The following PPA1 variants were observed in gnomAD, a reference collection of about 807,000 sequenced individuals.
PPA1 encodes the protein inorganic pyrophosphatase.
Under a neutral mutation model 41.8 loss-of-function variants are expected in PPA1, and 23 were observed. The ratio of observed to expected loss-of-function variants is 0.55; its 90% CI spans 0.40 to 0.78. The LOEUF is 0.78. PPA1 is among the 30% of genes least tolerant of loss of function. The pLI is 0.00. For synonymous variants in PPA1, 101 were observed against 116.8 expected (o/e 0.86, Z 0.87); for missense variants, 320 against 361.6 (o/e 0.89, Z 0.93).
intron 2 of PPA1, among the ~76,000 whole-genome samples, chr10:70,220,011 T>A (rs1001461616): frequency 2.0e-5 from 3 of 152,218 alleles, no homozygotes; most frequent in African/African-American, 7.2e-5. Context: ...CACTGCAACC[T>A]CTGCCTCCTG....
chr10:70,211,428 T>C (rs960785746), intron 6 of PPA1, among the ~76,000 whole-genome samples: 9 of 152,166 alleles, frequency 5.9e-5, no homozygotes, highest in African/African-American at 1.4e-4. Context: ...TCCTGTACTT[T>C]TGACTATCAG....
intron 2 of PPA1, among the ~76,000 whole-genome samples, chr10:70,219,512 C>T (rs1329025575): frequency 2.0e-5 from 3 of 152,170 alleles, no homozygotes; most frequent in Non-Finnish European, 4.4e-5. Flanking sequence ...AGCCTAATTA[C>T]TTGGTCATAC....
At chr10:70,229,928 G>A (rs1358091041) in intron 2 of PPA1, among the ~76,000 whole-genome samples, 1 of 146,376 alleles carries the variant, frequency 6.8e-6, no homozygotes, top group Non-Finnish European at 1.5e-5. Context: ...CTTTTTTTTT[G>A]AGACAGGGTC....
At chr10:70,229,767 T>C (rs1206711422) in intron 2 of PPA1, among the ~76,000 whole-genome samples, 1 of 152,142 alleles carries the variant, frequency 6.6e-6, no homozygotes, top group East Asian at 1.9e-4. Flanking sequence ...CAAATACACA[T>C]ACAAAAAGGA....
intron 6 of PPA1, among the ~76,000 whole-genome samples, chr10:70,211,441 A>G (rs993081390): frequency 2.0e-5 from 3 of 152,186 alleles, no homozygotes; most frequent in Non-Finnish European, 4.4e-5. Flanking sequence ...ACTATCAGCT[A>G]TAAATTAGGG....
chr10:70,217,915 G>A lies in PPA1; in HGVS notation c.194C>T (p.Pro65Leu), dbSNP rs11538285. Residue 65 changes from proline to leucine, a missense_variant, in exon 4 of 11, where the codon CCT becomes CTT. Coordinates refer to ENST00000373232, the MANE Select transcript of PPA1 (RefSeq NM_021129.4). ...NAKMEIATKDPLNPIKQDVKK... is the reference protein window; with the variant it reads ...NAKMEIATKDLLNPIKQDVKK... ...CACATCTTGTTTAATAGGGTTTAAA[G>A]GGTCCTTTGTAGCAATCTGAAATAA... is the stretch of plus-strand genomic sequence containing the variant. 6.3e-7 allele frequency: 1 copy of A among 1,585,618 alleles called. No homozygotes were observed. The highest frequency in any genetic ancestry group is 8.6e-7 in the Non-Finnish European group (1 of 1,164,340).
chr10:70,214,406 C>T, intron 5 of PPA1, 94 bp downstream of exon 5: 1 of 948,786 alleles, frequency 1.1e-6, no homozygotes, highest in Non-Finnish European at 1.6e-6. Flanking sequence ...CACTAATATT[C>T]ATGCATTTTA....
chr10:70,210,112 C>T (rs1048573342), intron 6 of PPA1: 9 of 292,136 alleles, frequency 3.1e-5, no homozygotes, highest in African/African-American at 1.5e-4. Context: ...GACAAGGTCT[C>T]GCTCTGTCAC....
chr10:70,205,114 G>C, intron 9 of PPA1, 199 bp from the exon 10 acceptor site: 1 of 425,134 alleles, frequency 2.4e-6, no homozygotes, highest in Non-Finnish European at 4.2e-6. Context: ...GGACAGTGCA[G>C]TGGCTCATGC....
intron 3 of PPA1, 72 bp downstream of exon 3, chr10:70,218,692 C>T (rs1840104285): frequency 8.1e-6 from 10 of 1,229,708 alleles, no homozygotes; most frequent in Non-Finnish European, 1.1e-5. Context: ...ATGGTTCATC[C>T]TTGATCAAGT....
At chr10:70,215,985 GTTC>G (rs919211761) in intron 4 of PPA1, among the ~76,000 whole-genome samples, 33 of 152,144 alleles carry the variant, frequency 2.2e-4, no homozygotes, top group African/African-American at 8.0e-4. Context: ...TGTTGCATTG[GTTC>G]TTTTTTCCTC....
rs375105458 is a variant in PPA1, at chr10:70,214,595, A to T, written c.298-9T>A. 6.2e-7 allele frequency: 1 copy of T among 1,603,374 alleles called. No individual in the cohort carries two copies. Among genetic ancestry groups the T allele is most frequent in the Non-Finnish European group, 8.5e-7 (1 of 1,170,482 alleles). Reference sequence around the variant, plus strand: ...CCTGGGTCTTCCCAAGTCTAAAAATATAAGACAGTGTATATCATTCCTATA... The same window carrying T: ...CCTGGGTCTTCCCAAGTCTAAAAATTTAAGACAGTGTATATCATTCCTATA... On this transcript the variant is annotated splice_polypyrimidine_tract_variant and intron_variant, in intron 4 of 10. Coordinates refer to ENST00000373232, the MANE Select transcript of PPA1 (RefSeq NM_021129.4).
intron 1 of PPA1, among the ~76,000 whole-genome samples, chr10:70,230,811 C>T (rs1270117194): frequency 6.6e-6 from 1 of 152,216 alleles, no homozygotes; most frequent in East Asian, 1.9e-4. Flanking sequence ...TATTCTTACA[C>T]TAGAAAAACT....
intron 2 of PPA1, among the ~76,000 whole-genome samples, chr10:70,221,764 T>C (rs1840172455): frequency 6.6e-6 from 1 of 152,202 alleles, no homozygotes; most frequent in Non-Finnish European, 1.5e-5. Flanking sequence ...GATTAGCTGT[T>C]AATTTCGTTA....
At chr10:70,205,163 T>A in intron 9 of PPA1, 1 of 260,970 alleles carries the variant, frequency 3.8e-6, no homozygotes, top group Non-Finnish European at 7.2e-6. Flanking sequence ...AGTGGGTGGA[T>A]CACAAGGTCA....
At chr10:70,232,913 T>C (rs1239402860) in intron 1 of PPA1, among the ~76,000 whole-genome samples, 2 of 151,972 alleles carry the variant, frequency 1.3e-5, no homozygotes, top group Admixed American at 6.5e-5. Flanking sequence ...ACGGGAATTA[T>C]GTTACTTCCA....
chr10:70,215,173 C>A (rs535658705), intron 4 of PPA1, among the ~76,000 whole-genome samples: 1 of 152,158 alleles, frequency 6.6e-6, no homozygotes, highest in South Asian at 2.1e-4. Flanking sequence ...CCAGCCTGGG[C>A]AACAGAGCAA....
At chr10:70,215,314 T>C (rs1840067435) in intron 4 of PPA1, among the ~76,000 whole-genome samples, 1 of 152,140 alleles carries the variant, frequency 6.6e-6, no homozygotes, top group African/African-American at 2.4e-5. Flanking sequence ...GGTCTCAAAC[T>C]CCTGGGCTCA....
intron 6 of PPA1, among the ~76,000 whole-genome samples, chr10:70,210,779 T>G (rs1840008672): frequency 6.6e-6 from 1 of 151,812 alleles, no homozygotes; most frequent in African/African-American, 2.4e-5. Flanking sequence ...TTATTTTTTT[T>G]TTTTGAGAAG....
Sources: gnomAD v4.1 joint callset for allele counts (sites outside exome capture counted in the v4.1 genomes callset) on GRCh38, gnomAD v4.1.1 for gene constraint, MANE v1.5 for transcripts, NCBI Gene and HGNC (gene_info 2026-07-23, HGNC 2026-07-21) for gene names.